The following DISC1 variants were observed in gnomAD, a reference collection of about 807,000 sequenced individuals.
The protein encoded by DISC1 is disrupted in schizophrenia 1 protein.
A neutral mutation model predicts 84.5 loss-of-function variants in DISC1; 57 were observed. The ratio of observed to expected loss-of-function variants is 0.67; its 90% CI spans 0.55 to 0.84. The LOEUF (loss-of-function observed/expected upper bound fraction) is 0.84. Among genes scored for constraint, DISC1 ranks in the 40% least tolerant of loss-of-function variants. The pLI, the probability that DISC1 is intolerant of heterozygous loss-of-function variation, is 0.00. For synonymous variants in DISC1, 411 were observed against 415.2 expected (o/e 0.99, Z 0.12); for missense variants, 1,000 against 1,057.8 (o/e 0.95, Z 0.76).
intron 8 of DISC1, among the ~76,000 whole-genome samples, chr1:231,818,017 T>G (rs2081194757): frequency 1.3e-5 from 2 of 152,226 alleles, no homozygotes. Flanking sequence ...AGTGACACAT[T>G]GTGGTTTCTC....
chr1:231,773,439 C>T (rs904858651), intron 6 of DISC1, among the ~76,000 whole-genome samples: 3 of 152,170 alleles, frequency 2.0e-5, no homozygotes, highest in Non-Finnish European at 2.9e-5. Context: ...GGCTGGAGTG[C>T]AGTGGTGCGA....
chr1:231,719,560 T>C (rs1034556015), intron 3 of DISC1, among the ~76,000 whole-genome samples: 2 of 152,206 alleles, frequency 1.3e-5, no homozygotes, highest in Non-Finnish European at 2.9e-5. Flanking sequence ...TTTCTATCTA[T>C]AAAATGGGAT....
chr1:231,706,225 A>T (rs1294094023), intron 3 of DISC1, among the ~76,000 whole-genome samples: 1 of 152,158 alleles, frequency 6.6e-6, no homozygotes, highest in Non-Finnish European at 1.5e-5. Flanking sequence ...CTCCAAGAGG[A>T]TTCATTAGAT....
chr1:231,890,217 G>A (rs2087096010), intron 9 of DISC1, among the ~76,000 whole-genome samples: 1 of 152,204 alleles, frequency 6.6e-6, no homozygotes, highest in African/African-American at 2.4e-5. Flanking sequence ...CACTCTGTAT[G>A]TGTGAGTAAT....
intron 9 of DISC1, among the ~76,000 whole-genome samples, chr1:231,932,237 C>G (rs1179051599): frequency 6.6e-6 from 1 of 152,086 alleles, no homozygotes; most frequent in Non-Finnish European, 1.5e-5. Flanking sequence ...ATCAGCACCA[C>G]CTGATTTAGT....
intron 1 of DISC1, among the ~76,000 whole-genome samples, chr1:231,671,267 C>G (rs1002848876): frequency 2.6e-5 from 4 of 151,496 alleles, no homozygotes; most frequent in African/African-American, 9.7e-5. Flanking sequence ...TTTTGTTTGC[C>G]TTGTGTATAT....
rs540622269 is a variant in DISC1, at chr1:231,750,649, C to T, written c.1268+573C>T. The T allele has an allele frequency of 3.7e-5, 35 of 949,760 alleles. No individual in the cohort carries two copies. In the Middle Eastern group the frequency reaches 1.6e-3, roughly 43 times the overall value. 58.8% of individuals were successfully genotyped at this position (949,760 alleles called of 1,614,324 possible). ...TTTAAAACCTACCAATGTCCAGGCT[C>T]CTCCCCAGGCAAGCTAAGTCAGAAT... On this transcript the variant is annotated intron_variant, in intron 4 of 12. Coordinates refer to ENST00000439617, the MANE Select transcript of DISC1 (RefSeq NM_018662.3).
At chr1:231,807,181 C>T (rs975675319) in intron 8 of DISC1, among the ~76,000 whole-genome samples, 1 of 152,338 alleles carries the variant, frequency 6.6e-6, no homozygotes, top group Non-Finnish European at 1.5e-5. Flanking sequence ...CTATATTGGG[C>T]CCTACCTCTA....
chr1:231,641,565 T>A (rs553644035), intron 1 of DISC1, among the ~76,000 whole-genome samples: 5 of 152,204 alleles, frequency 3.3e-5, no homozygotes, highest in Non-Finnish European at 7.3e-5. Flanking sequence ...GCTTCCACAA[T>A]GTGCAAAGGG....
At chr1:231,938,272 CACATGAGCCCGT>C in intron 9 of DISC1, among the ~76,000 whole-genome samples, 1 of 152,174 alleles carries the variant, frequency 6.6e-6, no homozygotes, top group Non-Finnish European at 1.5e-5. Context: ...CCAATCTAAT[CACATGAGCCCGT>C]ACAAGTGGAA....
chr1:231,889,817 T>C (rs1454578032), intron 9 of DISC1, among the ~76,000 whole-genome samples: 1 of 152,158 alleles, frequency 6.6e-6, no homozygotes, highest in Non-Finnish European at 1.5e-5. Context: ...GGGGCTGTCA[T>C]AGACGACACT....
At chr1:231,978,004 A>T (rs142926779) in intron 10 of DISC1, among the ~76,000 whole-genome samples, 79 of 151,798 alleles carry the variant, frequency 5.2e-4, no homozygotes, top group African/African-American at 1.7e-3. Context: ...CTTCTTTGTA[A>T]TGTTGAGAGA....
intron 9 of DISC1, chr1:231,866,770 C>T (rs1574326688): frequency 3.2e-6 from 4 of 1,235,854 alleles, no homozygotes; most frequent in Admixed American, 3.3e-5. Flanking sequence ...TCAACCTTGA[C>T]GAAAGGGTAT....
intron 11 of DISC1, among the ~76,000 whole-genome samples, chr1:232,023,837 C>CCTTCCTGTATGATTTGTGGTTTCATGACT (rs1385602741): frequency 6.6e-5 from 10 of 152,102 alleles, no homozygotes; most frequent in Middle Eastern, 3.4e-3. Flanking sequence ...GTATGTTTCT[C>CCTTCCTGTATGATTTGTGGTTTCATGACT]CTTCCTGTAT....
At position 232,031,539 on chromosome 1, in the gene DISC1, A is replaced by G. The variant is rs1056675179; in HGVS notation, c.2425+4987A>G. 1.3e-5 allele frequency among the ~76,000 whole-genome samples: 2 copies of G among 152,158 alleles called. No individual in the cohort carries two copies. The highest frequency in any genetic ancestry group is 2.9e-5 in the Non-Finnish European group (2 of 68,020). On this transcript the variant is annotated intron_variant, in intron 12 of 12. Transcript: ENST00000439617. This position sits in a 1 kb window ranked among gnomAD's most constrained non-coding sequence, Gnocchi z 4.6. ...AGAAAGAAAAGGAAAGGAAAGAAAG[A>G]AAACCCAGAGCCTAAGATGACAGTA... is the stretch of plus-strand genomic sequence containing the variant.
chr1:231,834,323 A>T (rs982745948), intron 9 of DISC1, among the ~76,000 whole-genome samples: 3 of 152,136 alleles, frequency 2.0e-5, no homozygotes, highest in East Asian at 1.9e-4. Flanking sequence ...GAAAAGGAAG[A>T]TTAGAAAGAC....
At chr1:231,634,088 C>T (rs771621613) in intron 1 of DISC1, among the ~76,000 whole-genome samples, 22 of 151,994 alleles carry the variant, frequency 1.4e-4, no homozygotes, top group Non-Finnish European at 2.5e-4. Context: ...TTCACCATGT[C>T]GGCCAGGCTG....
At chr1:232,021,176 C>G (rs1298261507) in intron 11 of DISC1, among the ~76,000 whole-genome samples, 1 of 152,160 alleles carries the variant, frequency 6.6e-6, no homozygotes, top group East Asian at 1.9e-4. Flanking sequence ...GATTTGAGCA[C>G]CTTGCTCTGC....
intron 3 of DISC1, among the ~76,000 whole-genome samples, chr1:231,729,232 A>G (rs1189722223): frequency 6.6e-6 from 1 of 152,202 alleles, no homozygotes; most frequent in East Asian, 1.9e-4. Context: ...TTCTTAATCC[A>G]GTCTATCATT....
Sources: gnomAD v4.1 joint callset for allele counts (sites outside exome capture counted in the v4.1 genomes callset) on GRCh38, gnomAD v4.1.1 for gene constraint, Gnocchi (gnomAD v3.1) non-coding constraint, MANE v1.5 for transcripts, NCBI Gene and HGNC (gene_info 2026-07-23, HGNC 2026-07-21) for gene names.